The following CSGALNACT1 variants were observed in gnomAD, a reference collection of about 807,000 sequenced individuals.
CSGALNACT1 encodes beta4GalNAcT-1.
CSGALNACT1 carries 52 observed loss-of-function variants against 51.0 expected under a neutral mutation model. The observed-to-expected ratio is 1.02, with a 90% confidence interval of 0.82 to 1.29. CSGALNACT1 has a LOEUF of 1.29. Ranked by LOEUF, CSGALNACT1 falls within the 50% of genes most tolerant of loss-of-function variation. CSGALNACT1 has a pLI of 0.00. For missense variants in CSGALNACT1, 935 were observed against 679.2 expected (o/e 1.38, Z -4.19); for synonymous variants, 341 against 254.4 (o/e 1.34, Z -3.24).
chr8:19,580,828 T>TA (rs1380540640), intron 3 of CSGALNACT1, among the ~76,000 whole-genome samples: 3 of 152,066 alleles, frequency 2.0e-5, no homozygotes, highest in African/African-American at 7.2e-5. Context: ...CTAGCTTCTA[T>TA]AAAAAAGAGG....
chr8:19,597,285 C>CTTTTTTTTTTTTTTTTTTTTTTT (rs35177349), intron 2 of CSGALNACT1, among the ~76,000 whole-genome samples: 8 of 64,528 alleles, frequency 1.2e-4, no homozygotes, highest in African/African-American at 4.9e-4. Context: ...TATCTTCTTT[C>CTTTTTTTTTTTTTTTTTTTTTTT]TTTTTTTTTT....
At chr8:19,589,052 T>A (rs1267360875) in intron 3 of CSGALNACT1, among the ~76,000 whole-genome samples, 1 of 152,156 alleles carries the variant, frequency 6.6e-6, no homozygotes, top group Non-Finnish European at 1.5e-5. Flanking sequence ...GTCACGGAGC[T>A]CTTGACAGCA....
At chr8:19,431,382 G>A (rs79149251) in intron 6 of CSGALNACT1, among the ~76,000 whole-genome samples, 2,238 of 151,964 alleles carry the variant, frequency 0.015, 50 homozygotes, top group African/African-American at 0.051. Context: ...AAAGGATGTT[G>A]GATTTTTAAC....
At position 19,702,971 on chromosome 8, in the gene CSGALNACT1, G is replaced by T. The variant is rs140875477; in HGVS notation, c.-297+54879C>A. Among the ~76,000 whole-genome samples, 245 of 152,124 alleles carry T rather than the reference G, an allele frequency of 1.6e-3. 1 individual carries two copies. The highest frequency in any genetic ancestry group is 5.9e-3 in the African/African-American group (244 of 41,502). On this transcript the variant is annotated intron_variant, in intron 1 of 1. Coordinates refer to the CSGALNACT1 transcript ENST00000517494. Reference sequence around the variant, plus strand: ...CCTCTTAGCCCCCTTCCTGGTGTGGGTTCACTTCCCTTTATATCTCATCTG... The same window carrying T: ...CCTCTTAGCCCCCTTCCTGGTGTGGTTTCACTTCCCTTTATATCTCATCTG...
At position 19,757,497 on chromosome 8, in the gene CSGALNACT1, G is replaced by T. The variant is rs1387144036; in HGVS notation, c.-297+353C>A. 1.3e-5 allele frequency among the ~76,000 whole-genome samples: 2 copies of T among 152,110 alleles called. No homozygotes were observed. The highest frequency in any genetic ancestry group is 4.8e-5 in the African/African-American group (2 of 41,450). On this transcript the variant is annotated intron_variant, in intron 1 of 1. Coordinates refer to the CSGALNACT1 transcript ENST00000517494. The surrounding 1 kb of genome is among the most constrained non-coding windows in gnomAD (Gnocchi z 4.0). Reference sequence around the variant, plus strand: ...CTGCAGTGCGTCCCTGCGCCCGTCGGAGCGGCGCCCTGGCCGAAGCCTGTC... The same window carrying T: ...CTGCAGTGCGTCCCTGCGCCCGTCGTAGCGGCGCCCTGGCCGAAGCCTGTC...
At chr8:19,489,337 A>G (rs1345638037) in intron 4 of CSGALNACT1, among the ~76,000 whole-genome samples, 2 of 152,200 alleles carry the variant, frequency 1.3e-5, no homozygotes, top group African/African-American at 2.4e-5. Context: ...TATGGTGATT[A>G]TTGTCATATT....
intron 1 of CSGALNACT1, among the ~76,000 whole-genome samples, chr8:19,710,880 C>G (rs1161368369): frequency 6.6e-6 from 1 of 152,080 alleles, no homozygotes; most frequent in Non-Finnish European, 1.5e-5. Flanking sequence ...TTCACATTCT[C>G]TTTCTTTATT....
chr8:19,578,648 G>A (rs1012206228), intron 3 of CSGALNACT1, among the ~76,000 whole-genome samples: 6 of 151,932 alleles, frequency 3.9e-5, no homozygotes, highest in South Asian at 2.1e-4. Context: ...TCTAAACTGC[G>A]CTACCCACCT....
intron 3 of CSGALNACT1, among the ~76,000 whole-genome samples, chr8:19,536,984 C>G (rs2083890683): frequency 6.6e-6 from 1 of 152,100 alleles, no homozygotes; most frequent in African/African-American, 2.4e-5. Flanking sequence ...AAATAAAATC[C>G]TAAATCCCCC....
At chr8:19,630,043 T>C (rs2055003269) in intron 1 of CSGALNACT1, among the ~76,000 whole-genome samples, 1 of 152,094 alleles carries the variant, frequency 6.6e-6, no homozygotes, top group South Asian at 2.1e-4. Flanking sequence ...CCATGGATGC[T>C]ATGGCAGAGC....
At chr8:19,524,013 G>A in intron 3 of CSGALNACT1, among the ~76,000 whole-genome samples, 1 of 152,154 alleles carries the variant, frequency 6.6e-6, no homozygotes, top group East Asian at 1.9e-4. Flanking sequence ...ATGCAGCAGG[G>A]CCAGGCACAG....
chr8:19,684,023 G>A (rs766359036), upstream of CSGALNACT1, among the ~76,000 whole-genome samples: 8 of 152,038 alleles, frequency 5.3e-5, no homozygotes, highest in Non-Finnish European at 1.0e-4. Context: ...AAAATTAGCC[G>A]GGTATGGCGG....
intron 2 of CSGALNACT1, among the ~76,000 whole-genome samples, chr8:19,599,482 AAGAAAGAAAGAAAGAAAGAAAG>A (rs1290658815): frequency 1.3e-4 from 10 of 78,988 alleles, no homozygotes; most frequent in African/African-American, 5.5e-4. Flanking sequence ...AAAAGAAAGA[AAGAAAGAAAGAAAGAAAGAAAG>A]AAAGAAAGAA....
At chr8:19,656,540 C>A (rs760912828) in intron 1 of CSGALNACT1, among the ~76,000 whole-genome samples, 1 of 151,694 alleles carries the variant, frequency 6.6e-6, no homozygotes, top group Non-Finnish European at 1.5e-5. Flanking sequence ...AAAACACACA[C>A]GTGTACGCGC....
chr8:19,609,817 C>T (rs538551435), intron 1 of CSGALNACT1, among the ~76,000 whole-genome samples: 36 of 152,246 alleles, frequency 2.4e-4, no homozygotes, highest in Non-Finnish European at 4.0e-4. Context: ...GATTTAAATA[C>T]GTGAGTTTAT....
chr8:19,736,203 C>T (rs1460751389), intron 1 of CSGALNACT1, among the ~76,000 whole-genome samples: 1 of 152,154 alleles, frequency 6.6e-6, no homozygotes, highest in African/African-American at 2.4e-5. Flanking sequence ...ATTTCCTTAG[C>T]AGGGGTCAGA....
At chr8:19,556,139 A>T (rs1267715496) in intron 3 of CSGALNACT1, among the ~76,000 whole-genome samples, 2 of 152,150 alleles carry the variant, frequency 1.3e-5, no homozygotes, top group African/African-American at 4.8e-5. Flanking sequence ...ACACTGTGGG[A>T]GGCTGAGGTG....
At chr8:19,431,302 T>C (rs1055670298) in intron 6 of CSGALNACT1, among the ~76,000 whole-genome samples, 4 of 152,094 alleles carry the variant, frequency 2.6e-5, no homozygotes, top group South Asian at 4.1e-4. Flanking sequence ...TCATAGATGG[T>C]TTTTTGTATG....
At chr8:19,447,786 C>T (rs1474453484) in intron 5 of CSGALNACT1, among the ~76,000 whole-genome samples, 3 of 152,186 alleles carry the variant, frequency 2.0e-5, no homozygotes, top group Non-Finnish European at 4.4e-5. Flanking sequence ...ATGCACACCC[C>T]TAGGGTGGGT....
Sources: gnomAD v4.1 joint callset for allele counts (sites outside exome capture counted in the v4.1 genomes callset) on GRCh38, gnomAD v4.1.1 for gene constraint, Gnocchi (gnomAD v3.1) non-coding constraint, MANE v1.5 for transcripts, NCBI Gene and HGNC (gene_info 2026-07-23, HGNC 2026-07-21) for gene names.